CHD6: variants seen among roughly 807,000 people sequenced by gnomAD.
CHD6 encodes ATP-dependent chromatin remodeler CHD6.
A neutral mutation model predicts 276.9 loss-of-function variants in CHD6; 50 were observed. The ratio of observed to expected loss-of-function variants is 0.18; its 90% confidence interval spans 0.14 to 0.23. The LOEUF (loss-of-function observed/expected upper bound fraction) is 0.23. Among genes scored for constraint, CHD6 ranks in the 10% least tolerant of loss-of-function variants. CHD6 has a pLI of 1.00. For synonymous variants in CHD6, 1,173 were observed against 1,229.3 expected (o/e 0.95, Z 0.96); for missense variants, 2,564 against 3,365.8 (o/e 0.76, Z 5.89).
At chr20:41,480,648 T>A (rs1352807249) in intron 16 of CHD6, among the ~76,000 whole-genome samples, 1 of 152,110 alleles carries the variant, frequency 6.6e-6, no homozygotes, top group African/African-American at 2.4e-5. Flanking sequence ...GAACGGATAA[T>A]ACCTACAACT....
At chr20:41,548,559 A>G (rs1234873792) in intron 2 of CHD6, among the ~76,000 whole-genome samples, 2 of 152,244 alleles carry the variant, frequency 1.3e-5, no homozygotes, top group Non-Finnish European at 2.9e-5. Flanking sequence ...AAACCTAGGC[A>G]ATACCATGCA....
chr20:41,529,255 T>C (rs2044620003), intron 3 of CHD6, among the ~76,000 whole-genome samples: 1 of 152,208 alleles, frequency 6.6e-6, no homozygotes, highest in Non-Finnish European at 1.5e-5. Context: ...GGAGAAGAGC[T>C]CTATCCATTT....
chr20:41,579,083 T>C (rs2045506147), intron 1 of CHD6, among the ~76,000 whole-genome samples: 1 of 137,638 alleles, frequency 7.3e-6, no homozygotes, highest in African/African-American at 2.9e-5. Flanking sequence ...TGAGCCAAGA[T>C]TGTACCACTG....
intron 1 of CHD6, among the ~76,000 whole-genome samples, chr20:41,599,153 C>A (rs2045748487): frequency 6.6e-6 from 1 of 152,128 alleles, no homozygotes; most frequent in South Asian, 2.1e-4. Context: ...CTAGGGATGC[C>A]ATTAAAGGAA....
At chr20:41,603,995 C>A (rs1271750794) in intron 1 of CHD6, among the ~76,000 whole-genome samples, 1 of 125,142 alleles carries the variant, frequency 8.0e-6, no homozygotes, top group Non-Finnish European at 1.6e-5. Flanking sequence ...TGCATGTGTG[C>A]GCATGCGTGT....
intron 7 of CHD6, chr20:41,497,773 T>C (rs940448859): frequency 8.2e-6 from 4 of 490,192 alleles, no homozygotes. Flanking sequence ...AGGTTATCAT[T>C]AACACACATT....
intron 15 of CHD6, among the ~76,000 whole-genome samples, 194 bp from the exon 16 acceptor site, chr20:41,483,713 G>A (rs949572542): frequency 6.6e-6 from 1 of 152,224 alleles, no homozygotes; most frequent in South Asian, 2.1e-4. Flanking sequence ...GAGAGAATGC[G>A]GGTGCTCCAC....
intron 2 of CHD6, among the ~76,000 whole-genome samples, chr20:41,534,678 AAAAT>A (rs3055653): frequency 2.0e-5 from 3 of 152,174 alleles, no homozygotes; most frequent in South Asian, 2.1e-4. Context: ...ACTACTTTCA[AAAAT>A]AAATAAATAA....
chr20:41,426,641 A>G (rs966441954), intron 27 of CHD6, among the ~76,000 whole-genome samples: 1 of 152,156 alleles, frequency 6.6e-6, no homozygotes, highest in African/African-American at 2.4e-5. Flanking sequence ...ATAAAACACT[A>G]CTGCTCCAGA....
In CHD6 at chr20:41,403,969, AACC is replaced by A; in HGVS notation, c.*621_*623del. ...TTCTTCTTGCTGCAGGTGTCTGAAA[AACC>A]ACCAAGGGGGAAATTATATTACTAC... On this transcript the variant is annotated 3_prime_UTR_variant, in exon 37 of 37. Coordinates refer to ENST00000373233, the MANE Select transcript of CHD6 (RefSeq NM_032221.5). The A allele has an allele frequency of 9.5e-7, 1 of 1,054,400 alleles. No homozygotes were observed. The highest frequency in any genetic ancestry group is 1.1e-6 in the Non-Finnish European group (1 of 872,500). The allele number at this position is 1,054,400 out of a possible 1,614,324, so 65.3% of individuals were successfully genotyped here.
In CHD6 at chr20:41,486,407, T is replaced by A. The variant is rs114035013; in HGVS notation, c.2001+1258A>T. 5.6e-3 allele frequency among the ~76,000 whole-genome samples: 854 copies of A among 152,224 alleles called. 9 individuals are homozygous for A. Among genetic ancestry groups the A allele is most frequent in the Middle Eastern group, 0.024 (7 of 294 alleles). On this transcript the variant is annotated intron_variant, in intron 14 of 36. Coordinates refer to ENST00000373233, the MANE Select transcript of CHD6 (RefSeq NM_032221.5). ...GGAGAAGAGGATGCATTTCTAATGG[T>A]CCAAAAACGGAGAGAAGGTTAGAGC...
At chr20:41,575,894 A>G (rs1291710227) in intron 1 of CHD6, among the ~76,000 whole-genome samples, 3 of 152,218 alleles carry the variant, frequency 2.0e-5, no homozygotes, top group Non-Finnish European at 2.9e-5. Flanking sequence ...TAAAGATGCT[A>G]TGCCATAAAA....
At chr20:41,484,651 T>G (rs900467203) in intron 14 of CHD6, 44 bp from the exon 15 acceptor site, 1 of 1,606,022 alleles carries the variant, frequency 6.2e-7, no homozygotes, top group African/African-American at 1.3e-5. Context: ...CAATCCCAAG[T>G]TAACGATTAC....
intron 27 of CHD6, among the ~76,000 whole-genome samples, chr20:41,427,151 A>G (rs11698449): frequency 0.23 from 34,226 of 151,330 alleles, 4,207 homozygotes; most frequent in East Asian, 0.4. Flanking sequence ...AGCCCAGGGT[A>G]TTTACTATCT....
At chr20:41,491,194 T>C (rs1412112556) in intron 11 of CHD6, among the ~76,000 whole-genome samples, 1 of 151,980 alleles carries the variant, frequency 6.6e-6, no homozygotes, top group Non-Finnish European at 1.5e-5. Flanking sequence ...ACTTTTTTAC[T>C]GATGAACTTC....
intron 17 of CHD6, among the ~76,000 whole-genome samples, chr20:41,465,267 CA>C (rs1194328979): frequency 2.0e-5 from 3 of 152,146 alleles, no homozygotes; most frequent in Non-Finnish European, 4.4e-5. Context: ...TGGCAGATGG[CA>C]CGTTAACCAA....
At chr20:41,478,153 T>C (rs1398829485) in intron 16 of CHD6, among the ~76,000 whole-genome samples, 2 of 152,064 alleles carry the variant, frequency 1.3e-5, no homozygotes, top group Admixed American at 1.3e-4. Flanking sequence ...AGTGCTCCCA[T>C]ATGGAAAGTG....
At chr20:41,617,708 G>C (rs1392643668) in intron 1 of CHD6, among the ~76,000 whole-genome samples, 1 of 152,148 alleles carries the variant, frequency 6.6e-6, no homozygotes, top group South Asian at 2.1e-4. Context: ...TCCAATTTTC[G>C]GGGCGAGTGC....
chr20:41,541,321 A>G (rs948979272), intron 2 of CHD6, among the ~76,000 whole-genome samples: 1 of 152,216 alleles, frequency 6.6e-6, no homozygotes, highest in South Asian at 2.1e-4. Flanking sequence ...TTTCTATTTC[A>G]ATCTATCTCT....
Sources: allele counts gnomAD v4.1 joint callset (sites outside exome capture counted in the v4.1 genomes callset), GRCh38; gene constraint gnomAD v4.1.1; transcripts MANE v1.5; gene names NCBI Gene and HGNC (gene_info 2026-07-23, HGNC 2026-07-21).